N4BP2: variants seen among roughly 807,000 people sequenced by gnomAD.
N4BP2 encodes NEDD4-binding protein 2.
Under a neutral mutation model 152.8 loss-of-function variants are expected in N4BP2, and 91 were observed. That is an observed-to-expected ratio of 0.60 (90% CI 0.50 to 0.71). The LOEUF is 0.71. Among genes scored for constraint, N4BP2 ranks in the 30% least tolerant of loss-of-function variants. The probability of loss-of-function intolerance (pLI) is 0.00; values close to 1 mark genes in which losing one functional copy is unlikely to be tolerated. For missense variants in N4BP2, 1,923 were observed against 2,059.1 expected, an observed-to-expected ratio of 0.93 and a Z score of 1.28; for synonymous variants, 646 against 705.3, an observed-to-expected ratio of 0.92 and a Z score of 1.33.
intron 13 of N4BP2, among the ~76,000 whole-genome samples, chr4:40,134,883 T>TCCTC (rs1319149182): frequency 7.0e-6 from 1 of 142,776 alleles, no homozygotes; most frequent in Non-Finnish European, 1.6e-5. Flanking sequence ...CTTTCTTCCT[T>TCCTC]CCTCCCTTCC....
chr4:40,131,769 T>C (rs1211755274), intron 12 of N4BP2, 32 bp from the exon 13 acceptor site: 2 of 1,509,168 alleles, frequency 1.3e-6, no homozygotes, highest in Admixed American at 3.4e-5. Flanking sequence ...ACACATTTCA[T>C]CTTGAACATG....
intron 7 of N4BP2, among the ~76,000 whole-genome samples, chr4:40,115,618 A>T: frequency 1.3e-5 from 2 of 151,834 alleles, no homozygotes; most frequent in Admixed American, 6.6e-5. Context: ...TCATTCTTTA[A>T]CTCTTGGGTT....
intron 1 of N4BP2, among the ~76,000 whole-genome samples, chr4:40,061,607 C>T (rs188630771): frequency 3.3e-4 from 50 of 150,954 alleles, no homozygotes; most frequent in Admixed American, 7.3e-4. Context: ...TCAGGTGATC[C>T]GCCCGCCTCA....
chr4:40,112,040 A>C (rs759963425), intron 5 of N4BP2, 44 bp from the exon 6 acceptor site: 118 of 1,007,932 alleles, frequency 1.2e-4, no homozygotes, highest in Non-Finnish European at 1.7e-4. Context: ...CATAATACTT[A>C]GTATTGTTTA....
Position 40,156,775 on chromosome 4 carries a change from C to T in N4BP2, c.*2538C>T, listed in dbSNP as rs892232886. 1.7e-4 allele frequency: 26 copies of T among 152,138 alleles called. 1 individual carries two copies. Among genetic ancestry groups the T allele is most frequent in the African/African-American group, 3.9e-4 (16 of 41,528 alleles). 9.4% of individuals were successfully genotyped at this position (152,138 alleles called of 1,614,324 possible). On this transcript the variant is annotated 3_prime_UTR_variant, in exon 18 of 18. Transcript: ENST00000261435. Reference sequence around the variant, plus strand: ...AAATGCTTCAAAATCTGAAATTTTTCGAGCACAGACATGATGCTCAAAGGA... The same window carrying T: ...AAATGCTTCAAAATCTGAAATTTTTTGAGCACAGACATGATGCTCAAAGGA...
rs1235855712 is a variant in N4BP2 at position 40,150,671 on chromosome 4, A to AGG, written c.5144-2105_5144-2104dup. On this transcript the variant is annotated intron_variant, in intron 16 of 17. Transcript: ENST00000261435. ...GGGCAACAGAGTGAGACTCTGTCTC[A>AGG]GGGGGAAAAAAAAAAAAGAGGAAGT... Among the ~76,000 whole-genome samples the AGG allele has an allele frequency of 2.3e-4, 14 of 59,990 alleles. No homozygotes were observed. In the South Asian group the frequency reaches 0.011, roughly 49 times the overall value. 39.4% of individuals were successfully genotyped at this position (59,990 alleles called of 152,430 possible).
chr4:40,064,872 C>T (rs2664199), intron 1 of N4BP2, among the ~76,000 whole-genome samples: 66,410 of 151,674 alleles, frequency 0.44, 15,129 homozygotes, highest in East Asian at 0.83. Flanking sequence ...CAGGTTCAAG[C>T]GATTCTCCTG....
chr4:40,158,997 C>T (rs1721783836), downstream of N4BP2, among the ~76,000 whole-genome samples: 1 of 152,150 alleles, frequency 6.6e-6, no homozygotes, highest in Admixed American at 6.5e-5. Context: ...TATATAGTGA[C>T]TTATACTATG....
At chr4:40,077,057 A>G (rs1479735581) in intron 2 of N4BP2, among the ~76,000 whole-genome samples, 1 of 151,958 alleles carries the variant, frequency 6.6e-6, no homozygotes, top group Non-Finnish European at 1.5e-5. Context: ...GATGGTCTTA[A>G]GGAGCTAAAT....
intron 12 of N4BP2, among the ~76,000 whole-genome samples, chr4:40,127,115 T>C (rs1180414910): frequency 6.6e-6 from 1 of 151,910 alleles, no homozygotes; most frequent in African/African-American, 2.4e-5. Flanking sequence ...GGTCTCGAGT[T>C]CTGGGGTCAG....
intron 14 of N4BP2, among the ~76,000 whole-genome samples, chr4:40,139,088 A>G (rs1351573301): frequency 1.3e-5 from 2 of 152,188 alleles, no homozygotes; most frequent in African/African-American, 4.8e-5. Context: ...TCCTTCAACA[A>G]TGCACTATAG....
chr4:40,185,804 A>C, the N4BP2 span, among the ~76,000 whole-genome samples: 2 of 152,216 alleles, frequency 1.3e-5, no homozygotes, highest in Non-Finnish European at 2.9e-5. Flanking sequence ...AAAAATGCAC[A>C]GCTACAATAA....
chr4:40,056,976 G>C lies in N4BP2; in HGVS notation c.-266G>C, dbSNP rs1279386654. 2 of 152,210 alleles carry C rather than the reference G, an allele frequency of 1.3e-5. No individual in the cohort carries two copies. Among genetic ancestry groups the C allele is most frequent in the Admixed American group, 1.3e-4 (2 of 15,280 alleles). 9.4% of individuals were successfully genotyped at this position (152,210 alleles called of 1,614,324 possible). ...GGCTGCGGACCTGCGGCGCCGCGTTGTGCGTTCGACGACGCGGCACCGGCT... is the reference window on the plus strand; with the variant it reads ...GGCTGCGGACCTGCGGCGCCGCGTTCTGCGTTCGACGACGCGGCACCGGCT... On this transcript the variant is annotated 5_prime_UTR_variant, in exon 1 of 18. Transcript: ENST00000261435.
chr4:40,161,851 G>T (rs1013429186), downstream of N4BP2, among the ~76,000 whole-genome samples: 1 of 152,170 alleles, frequency 6.6e-6, no homozygotes, highest in Admixed American at 6.5e-5. Context: ...CTGGCTCTGG[G>T]GATGAATTCC....
intron 7 of N4BP2, among the ~76,000 whole-genome samples, chr4:40,115,018 A>G (rs888257556): frequency 6.6e-6 from 1 of 152,196 alleles, no homozygotes; most frequent in African/African-American, 2.4e-5. Flanking sequence ...GCCTTTTCAG[A>G]TAAACAAGTC....
chr4:40,138,986 G>A (rs1460358325), intron 14 of N4BP2, among the ~76,000 whole-genome samples: 1 of 152,084 alleles, frequency 6.6e-6, no homozygotes, highest in African/African-American at 2.4e-5. Context: ...ATTTTGATGG[G>A]GTTCGTGTTG....
chr4:40,120,293 T>TG lies in N4BP2; in HGVS notation c.2183dup (p.Cys728TrpfsTer3), dbSNP rs1171930386. On this transcript the variant is annotated frameshift_variant, in exon 9 of 18. Transcript: ENST00000261435. LOFTEE classifies it high-confidence loss of function. ...TATGGAGAGAGTATCACCTAGTACT[T>TG]GCTGTAGTGAAAATAATCAAGAAGA... 6.2e-7 allele frequency: 1 copy of TG among 1,612,966 alleles called. No homozygotes were observed. The highest frequency in any genetic ancestry group is 1.7e-5 in the Admixed American group (1 of 59,616).
intron 3 of N4BP2, among the ~76,000 whole-genome samples, chr4:40,099,482 T>G (rs1389778729): frequency 6.6e-6 from 1 of 151,976 alleles, no homozygotes; most frequent in Non-Finnish European, 1.5e-5. Flanking sequence ...ACTCCTGACC[T>G]CAGGTGATCC....
In N4BP2 at chr4:40,058,982, G is replaced by A. The variant is rs188554195; in HGVS notation, c.-212+1952G>A. ...ACTAGAGGCGAAAGCCACTACGCCC[G>A]GCTAATTTTTGTATTTTTTGTAGAG... On this transcript the variant is annotated intron_variant, in intron 1 of 17. Transcript: ENST00000261435. Among the ~76,000 whole-genome samples, 769 of 152,144 alleles carry A rather than the reference G, an allele frequency of 5.1e-3. 4 individuals are homozygous for A. The highest frequency in any genetic ancestry group is 0.01 in the Middle Eastern group (3 of 294).
Sources: gnomAD v4.1 joint callset for allele counts (sites outside exome capture counted in the v4.1 genomes callset) on GRCh38, gnomAD v4.1.1 for gene constraint, MANE v1.5 for transcripts, NCBI Gene and HGNC (gene_info 2026-07-23, HGNC 2026-07-21) for gene names.